NTNG2: variants seen among roughly 807,000 people sequenced by gnomAD.
The protein encoded by NTNG2 is netrin G2.
A neutral mutation model predicts 47.6 loss-of-function variants in NTNG2; 15 were observed. That is an observed-to-expected ratio of 0.32 (90% CI 0.21 to 0.49). The LOEUF (loss-of-function observed/expected upper bound fraction) is 0.49, where lower values mean the gene tolerates loss of function less well. NTNG2 is among the 20% of genes least tolerant of loss of function. The pLI is 0.99. For missense variants in NTNG2, 578 were observed against 764.6 expected (o/e 0.76, Z 2.88); for synonymous variants, 307 against 324.6 (o/e 0.95, Z 0.58).
Position 132,162,569 on chromosome 9 carries a change from A to AGTGTGTGTGTGTGT in NTNG2, c.-484+365_-484+378dup, listed in dbSNP as rs769570116. ...GTGTGTGTGTGTGAGAGAGAGACAG[A>AGTGTGTGTGTGTGT]GTGTGTGTGTGTGTGTGTGTGTGTG... On this transcript the variant is annotated intron_variant, in intron 1 of 7. Coordinates refer to ENST00000393229, the MANE Select transcript of NTNG2 (RefSeq NM_032536.4). The surrounding 1 kb of genome is among the most constrained non-coding windows in gnomAD (Gnocchi z 4.6). 1.3e-3 allele frequency among the ~76,000 whole-genome samples: 147 copies of AGTGTGTGTGTGTGT among 112,462 alleles called. 1 individual carries two copies. Among genetic ancestry groups the AGTGTGTGTGTGTGT allele is most frequent in the East Asian group, 5.4e-3 (21 of 3,896 alleles). 73.8% of individuals were successfully genotyped at this position (112,462 alleles called of 152,430 possible). A position where few individuals can be genotyped will look rare whatever the true frequency, so the allele number is the denominator to read the frequency against.
rs1367075791 is a variant in NTNG2, at chr9:132,208,213, G to A, written c.857+9604G>A. Among the ~76,000 whole-genome samples, 1 of 152,006 alleles carries A rather than the reference G, an allele frequency of 6.6e-6. No individual in the cohort carries two copies. The highest frequency in any genetic ancestry group is 2.4e-5 in the African/African-American group (1 of 41,374). ...GGCTTTGAAGGAGAAACCTGAAGGGGGAACGGGGGCACGGCATTTGTGGCA... is the reference window on the plus strand; with the variant it reads ...GGCTTTGAAGGAGAAACCTGAAGGGAGAACGGGGGCACGGCATTTGTGGCA... On this transcript the variant is annotated intron_variant, in intron 3 of 7. Coordinates refer to ENST00000393229, the MANE Select transcript of NTNG2 (RefSeq NM_032536.4). This position sits in a 1 kb window ranked among gnomAD's most constrained non-coding sequence, Gnocchi z 4.0.
chr9:132,209,678 C>T (rs1378247369), intron 3 of NTNG2, among the ~76,000 whole-genome samples: 1 of 152,066 alleles, frequency 6.6e-6, no homozygotes, highest in Non-Finnish European at 1.5e-5. Flanking sequence ...GGATGAAGGC[C>T]GTCGTGGGGT....
chr9:132,173,464 G>C (rs1456475449), intron 2 of NTNG2, among the ~76,000 whole-genome samples: 3 of 152,200 alleles, frequency 2.0e-5, no homozygotes, highest in Admixed American at 2.0e-4. Flanking sequence ...TCTTTCCAAA[G>C]AATGTCAGAG....
rs1842132315 is a variant in NTNG2, at chr9:132,244,074, T to A, written c.*1963T>A. On this transcript the variant is annotated 3_prime_UTR_variant, in exon 8 of 8. Transcript: ENST00000393229. The stretch of plus-strand genomic sequence containing the variant: ...GGGGACACAGCTCTGGGCAGTGAGA[T>A]GTAAGCAGGACTGATGGGTGGGCTT... 2 of 152,208 alleles carry A rather than the reference T, an allele frequency of 1.3e-5. No individual in the cohort carries two copies. The highest frequency in any genetic ancestry group is 4.8e-5 in the African/African-American group (2 of 41,448). The allele number at this position is 152,208 out of a possible 1,614,324, so 9.4% of individuals were successfully genotyped here. A position where few individuals can be genotyped will look rare whatever the true frequency, so the allele number is the denominator to read the frequency against.
rs556583978 is a variant in NTNG2 at position 132,215,081 on chromosome 9, G to T, written c.858-11768G>T. On this transcript the variant is annotated intron_variant, in intron 3 of 7. Coordinates refer to ENST00000393229, the MANE Select transcript of NTNG2 (RefSeq NM_032536.4). The surrounding 1 kb of genome is among the most constrained non-coding windows in gnomAD (Gnocchi z 4.2). Reference sequence around the variant, plus strand: ...TTTTAATTTTTTTGTAGAGATTGGGGGGGGGGGTCTCACTTTCTTGCCCAG... The same window carrying T: ...TTTTAATTTTTTTGTAGAGATTGGGTGGGGGGGTCTCACTTTCTTGCCCAG... Among the ~76,000 whole-genome samples, 22 of 149,208 alleles carry T rather than the reference G, an allele frequency of 1.5e-4. No individual in the cohort carries two copies. The South Asian group carries it at 2.2e-3, about 15-fold the overall frequency.
chr9:132,222,753 G>A (rs1840434380), intron 3 of NTNG2, among the ~76,000 whole-genome samples: 1 of 152,154 alleles, frequency 6.6e-6, no homozygotes. Flanking sequence ...CGTCAGCTCA[G>A]AAACTCACTG....
rs138616053 is a variant in NTNG2, at chr9:132,198,556, G to A, written c.804G>A (p.Arg268=). 1.2e-6 allele frequency: 2 copies of A among 1,613,058 alleles called. No homozygotes were observed. The highest frequency in any genetic ancestry group is 4.5e-5 in the East Asian group (2 of 44,882). ...RPALGGTYVQ[R]ENLYKYFYAI... The stretch of plus-strand genomic sequence containing the variant: ...CGCTGGGCGGCACCTATGTGCAGCG[G>A]GAGAACCTCTACAAGTACTTCTACG... The change falls in exon 3 of 8, where the codon CGG becomes CGA. Residue 268 remains arginine, a synonymous_variant. Coordinates refer to ENST00000393229, the MANE Select transcript of NTNG2 (RefSeq NM_032536.4).
chr9:132,237,389 A>G (rs1195418817), intron 5 of NTNG2, among the ~76,000 whole-genome samples: 1 of 152,210 alleles, frequency 6.6e-6, no homozygotes, highest in Non-Finnish European at 1.5e-5. Context: ...GGACCATGAC[A>G]GACGAAAGAA....
intron 3 of NTNG2, among the ~76,000 whole-genome samples, chr9:132,202,407 G>A (rs992858530): frequency 3.3e-5 from 5 of 152,188 alleles, no homozygotes; most frequent in Non-Finnish European, 7.3e-5. Flanking sequence ...CCCACAGGGG[G>A]CAGGTGGGCT....
intron 2 of NTNG2, among the ~76,000 whole-genome samples, chr9:132,169,355 G>A (rs1835725513): frequency 6.6e-6 from 1 of 152,198 alleles, no homozygotes; most frequent in African/African-American, 2.4e-5. Flanking sequence ...CTTTTGGAGG[G>A]CTGGCTTTGG....
Position 132,231,377 on chromosome 9 carries a change from C to T in NTNG2, c.1054+782C>T, listed in dbSNP as rs1020621410. The stretch of plus-strand genomic sequence containing the variant: ...GACTGGCCAATGTCAAAGAGCCAGC[C>T]GGGAGCAGACCCCAAATCTCAGAGA... On this transcript the variant is annotated intron_variant, in intron 5 of 7. Coordinates refer to ENST00000393229, the MANE Select transcript of NTNG2 (RefSeq NM_032536.4). The surrounding 1 kb of genome is among the most constrained non-coding windows in gnomAD (Gnocchi z 4.1). The T allele has an allele frequency of 2.2e-5, 10 of 455,254 alleles. No homozygotes were observed. In the East Asian group the frequency reaches 4.9e-4, roughly 22 times the overall value. The allele number at this position is 455,254 out of a possible 1,614,324, so 28.2% of individuals were successfully genotyped here. A position where few individuals can be genotyped will look rare whatever the true frequency, so the allele number is the denominator to read the frequency against.
In NTNG2 at chr9:132,166,945, C is replaced by T. The variant is rs1835536585; in HGVS notation, c.114C>T (p.Ala38=). 3.1e-6 allele frequency: 5 copies of T among 1,614,260 alleles called. No individual in the cohort carries two copies. In the East Asian group the frequency reaches 1.1e-4, roughly 36 times the overall value. Residue 38 remains alanine, a synonymous_variant, in exon 2 of 8, where the codon GCC becomes GCT. Transcript: ENST00000393229. ...AGGGCCCCACCTGGGAGTTCTACGC[C>T]TGCCAGCCCAAGGTGATGCGCCTGA... The part of the protein sequence containing the change: ...TDEGPTWEFY[A]CQPKVMRLKD...
intron 5 of NTNG2, among the ~76,000 whole-genome samples, chr9:132,237,577 C>T (rs909340513): frequency 1.3e-5 from 2 of 152,174 alleles, no homozygotes; most frequent in African/African-American, 4.8e-5. Flanking sequence ...GTTCCCCATC[C>T]GCCGCTGGAA....
At chr9:132,206,276 CCCTA>C (rs907108896) in intron 3 of NTNG2, among the ~76,000 whole-genome samples, 24 of 152,266 alleles carry the variant, frequency 1.6e-4, no homozygotes, top group African/African-American at 5.5e-4. Context: ...TGGTGAGAGC[CCCTA>C]GTTTTTGTTC....
At chr9:132,217,920 G>C (rs903396720) in intron 3 of NTNG2, among the ~76,000 whole-genome samples, 1 of 152,192 alleles carries the variant, frequency 6.6e-6, no homozygotes, top group African/African-American at 2.4e-5. Flanking sequence ...GCACCGCTCT[G>C]TGCCAGGGCT....
chr9:132,206,049 C>T (rs1839144019), intron 3 of NTNG2, among the ~76,000 whole-genome samples: 1 of 152,164 alleles, frequency 6.6e-6, no homozygotes, highest in Admixed American at 6.6e-5. Context: ...CTCCTTCCCA[C>T]CTCCACAAAA....
intron 2 of NTNG2, among the ~76,000 whole-genome samples, chr9:132,179,761 T>C (rs893415780): frequency 6.6e-6 from 1 of 152,176 alleles, no homozygotes; most frequent in Non-Finnish European, 1.5e-5. Flanking sequence ...GAGGTGGAGA[T>C]GCTGACCCAA....
At chr9:132,217,549 T>C (rs1241212791) in intron 3 of NTNG2, among the ~76,000 whole-genome samples, 1 of 152,236 alleles carries the variant, frequency 6.6e-6, no homozygotes, top group East Asian at 1.9e-4. Flanking sequence ...AGTCATAGTA[T>C]ACTCTGCATA....
At chr9:132,200,167 T>TA (rs1410934548) in intron 3 of NTNG2, among the ~76,000 whole-genome samples, 1 of 152,058 alleles carries the variant, frequency 6.6e-6, no homozygotes, top group Non-Finnish European at 1.5e-5. Context: ...AAGTGTTTAA[T>TA]AAAAAAATTG....
Sources: allele counts gnomAD v4.1 joint callset (sites outside exome capture counted in the v4.1 genomes callset), GRCh38; gene constraint gnomAD v4.1.1; non-coding constraint Gnocchi (gnomAD v3.1); transcripts MANE v1.5; gene names NCBI Gene and HGNC (gene_info 2026-07-23, HGNC 2026-07-21).